Variants in RABGAP1 observed in about 807,000 individuals in gnomAD.
RABGAP1 encodes RAB GTPase activating protein 1.
Under a neutral mutation model 137.6 loss-of-function variants are expected in RABGAP1, and 23 were observed. The ratio of observed to expected loss-of-function variants is 0.17; its 90% CI spans 0.12 to 0.24. The LOEUF is 0.24. Ranked by LOEUF, RABGAP1 falls within the 10% of genes least tolerant of loss-of-function variation. The probability of loss-of-function intolerance (pLI) is 1.00; values close to 1 mark genes in which losing one functional copy is unlikely to be tolerated. For synonymous variants in RABGAP1, 451 were observed against 450.7 expected (o/e 1.00, Z -0.01); for missense variants, 906 against 1,275.8 (o/e 0.71, Z 4.42).
chr9:123,031,822 C>T (rs1197471327), intron 13 of RABGAP1, among the ~76,000 whole-genome samples: 1 of 152,168 alleles, frequency 6.6e-6, no homozygotes, highest in Non-Finnish European at 1.5e-5. Context: ...CATCTTCCAT[C>T]TACTGGTGGA....
At chr9:122,933,330 C>T in the RABGAP1 span, among the ~76,000 whole-genome samples, 3 of 151,620 alleles carry the variant, frequency 2.0e-5, no homozygotes, top group Non-Finnish European at 2.9e-5. Context: ...TATATAATGT[C>T]TTTGTCTCTT....
At chr9:122,965,889 A>G (rs905686616) in intron 2 of RABGAP1, among the ~76,000 whole-genome samples, 1 of 152,196 alleles carries the variant, frequency 6.6e-6, no homozygotes, top group Non-Finnish European at 1.5e-5. Flanking sequence ...GGGCAGGGGT[A>G]AATGTGCTCT....
At chr9:123,079,068 C>T (rs1388457053) in intron 19 of RABGAP1, among the ~76,000 whole-genome samples, 1 of 151,758 alleles carries the variant, frequency 6.6e-6, no homozygotes, top group Non-Finnish European at 1.5e-5. Context: ...GGATTTTCCT[C>T]ACTGAGATAT....
chr9:122,940,432 C>T (rs1039947361), upstream of RABGAP1: 2 of 152,152 alleles, frequency 1.3e-5, no homozygotes, highest in African/African-American at 4.8e-5. Context: ...GAAGTTTTGA[C>T]TTCTAGACTG....
At chr9:123,076,179 A>AC in intron 17 of RABGAP1, 66 bp from the exon 18 acceptor site, 1 of 1,502,482 alleles carries the variant, frequency 6.7e-7, no homozygotes, top group Non-Finnish European at 9.2e-7. Flanking sequence ...GTGGGGTATA[A>AC]GGACAAATAG....
intron 10 of RABGAP1, among the ~76,000 whole-genome samples, chr9:123,002,915 T>C (rs1412557621): frequency 6.6e-6 from 1 of 152,044 alleles, no homozygotes; most frequent in Non-Finnish European, 1.5e-5. Context: ...AAAGCAGAAG[T>C]GTGTATGTGG....
chr9:123,035,873 C>T (rs2032628582), intron 13 of RABGAP1, among the ~76,000 whole-genome samples: 1 of 152,110 alleles, frequency 6.6e-6, no homozygotes, highest in African/African-American at 2.4e-5. Flanking sequence ...TTTGAAATGT[C>T]TTGGAAATGA....
chr9:123,034,800 T>TG, intron 13 of RABGAP1: 1 of 1,613,942 alleles, frequency 6.2e-7, no homozygotes, highest in Non-Finnish European at 8.5e-7. Flanking sequence ...ACCTTTTTGT[T>TG]GGGGTGAGCT....
intron 19 of RABGAP1, among the ~76,000 whole-genome samples, chr9:123,081,614 T>A (rs532160631): frequency 6.6e-6 from 1 of 152,108 alleles, no homozygotes; most frequent in Non-Finnish European, 1.5e-5. Context: ...ATTTTTTTTT[T>A]TTATTTTGTG....
chr9:122,984,888 T>TAA (rs1430519775), intron 3 of RABGAP1, among the ~76,000 whole-genome samples, 169 bp downstream of exon 3: 1 of 151,964 alleles, frequency 6.6e-6, no homozygotes, highest in Non-Finnish European at 1.5e-5. Context: ...GTGAGAGGAG[T>TAA]AAAAATATAT....
intron 2 of RABGAP1, among the ~76,000 whole-genome samples, chr9:122,968,220 C>CTTTTT (rs1008036959): frequency 4.9e-5 from 6 of 122,896 alleles, no homozygotes; most frequent in East Asian, 2.1e-4. Context: ...TCAATTCTAC[C>CTTTTT]TTTTTTTTTT....
intron 19 of RABGAP1, among the ~76,000 whole-genome samples, chr9:123,084,458 C>G (rs1225912757): frequency 6.6e-6 from 1 of 152,214 alleles, no homozygotes; most frequent in Non-Finnish European, 1.5e-5. Flanking sequence ...TCTCGCCATG[C>G]AGAGCTACTA....
chr9:123,020,588 T>C lies in RABGAP1; in HGVS notation c.1794+129T>C, dbSNP rs1035825456. 9 of 975,122 alleles carry C rather than the reference T, an allele frequency of 9.2e-6. No homozygotes were observed. The African/African-American group carries it at 1.2e-4, about 13-fold the overall frequency. The allele number at this position is 975,122 out of a possible 1,614,324, so 60.4% of individuals were successfully genotyped here. A position where few individuals can be genotyped will look rare whatever the true frequency, so the allele number is the denominator to read the frequency against. ...ATTTAAGAATAGAACTGTTAATACT[T>C]CCAGCTCTAACATGTTTTTTCTGTT... On this transcript the variant is annotated intron_variant, in intron 13 of 25. Transcript: ENST00000373647.
chr9:122,958,725 C>T (rs1834680712), intron 2 of RABGAP1, among the ~76,000 whole-genome samples: 1 of 152,104 alleles, frequency 6.6e-6, no homozygotes, highest in South Asian at 2.1e-4. Context: ...ATTTTGAAAA[C>T]TTGCCAGGTG....
intron 3 of RABGAP1, 42 bp from the exon 4 acceptor site, chr9:122,986,173 C>CA (rs751851611): frequency 4.1e-5 from 64 of 1,554,444 alleles, no homozygotes; most frequent in Non-Finnish European, 5.3e-5. Flanking sequence ...AACAAAATAT[C>CA]AAAGTGAAAG....
intron 7 of RABGAP1, 47 bp downstream of exon 7, chr9:122,996,198 A>G (rs369864746): frequency 5.6e-4 from 889 of 1,575,356 alleles, no homozygotes; most frequent in Non-Finnish European, 7.3e-4. Context: ...TTTGGCTTTT[A>G]TCAATCTAAT....
At chr9:123,022,934 G>A (rs2031735865) in intron 13 of RABGAP1, among the ~76,000 whole-genome samples, 1 of 152,066 alleles carries the variant, frequency 6.6e-6, no homozygotes, top group Non-Finnish European at 1.5e-5. Flanking sequence ...GGGGGAGTAA[G>A]GTACTTTTTA....
chr9:123,075,412 A>C (rs1436444223), intron 17 of RABGAP1, among the ~76,000 whole-genome samples: 1 of 152,144 alleles, frequency 6.6e-6, no homozygotes, highest in African/African-American at 2.4e-5. Flanking sequence ...ATCCTTTTTA[A>C]TTATGCTATA....
chr9:122,983,731 A>G (rs1836209186), intron 2 of RABGAP1, among the ~76,000 whole-genome samples: 1 of 152,120 alleles, frequency 6.6e-6, no homozygotes, highest in African/African-American at 2.4e-5. Context: ...TAATTTTTTT[A>G]GTATTTCTTA....
Sources: allele counts gnomAD v4.1 joint callset (sites outside exome capture counted in the v4.1 genomes callset), GRCh38; gene constraint gnomAD v4.1.1; transcripts MANE v1.5; gene names NCBI Gene and HGNC (gene_info 2026-07-23, HGNC 2026-07-21).